Variants in SGCD observed in about 807,000 individuals in gnomAD.
The protein encoded by SGCD is sarcoglycan delta.
In SGCD, 18 loss-of-function variants were observed where a neutral mutation model predicts 36.6. The ratio of observed to expected loss-of-function variants is 0.49; its 90% CI spans 0.34 to 0.73. The LOEUF (loss-of-function observed/expected upper bound fraction) is 0.73, where lower values mean the gene tolerates loss of function less well. SGCD is among the 30% of genes least tolerant of loss of function. The pLI is 0.01. For missense variants in SGCD, 387 were observed against 346.7 expected (o/e 1.12, Z -0.92); for synonymous variants, 133 against 130.6 (o/e 1.02, Z -0.12).
intron 7 of SGCD, among the ~76,000 whole-genome samples, chr5:156,686,139 T>G (rs1753896652): frequency 6.6e-6 from 1 of 152,238 alleles, no homozygotes. Flanking sequence ...CTATTTAATC[T>G]TCAAAACAGT....
chr5:155,793,536 G>GT, the SGCD span, among the ~76,000 whole-genome samples: 103 of 150,458 alleles, frequency 6.8e-4, no homozygotes, highest in Admixed American at 9.9e-4. Context: ...TAAAATGTCA[G>GT]TTTTTTTTTC....
At chr5:156,507,952 G>A (rs1756773287) in intron 3 of SGCD, among the ~76,000 whole-genome samples, 1 of 152,172 alleles carries the variant, frequency 6.6e-6, no homozygotes, top group African/African-American at 2.4e-5. Flanking sequence ...GATTGTGTGT[G>A]TGGTAATGGG....
At chr5:156,283,932 G>C (rs894529577) in intron 3 of SGCD, among the ~76,000 whole-genome samples, 2 of 152,196 alleles carry the variant, frequency 1.3e-5, no homozygotes, top group Non-Finnish European at 2.9e-5. Context: ...TTAGGGAATA[G>C]ATTGCTAAAT....
chr5:155,742,055 G>A, the SGCD span, among the ~76,000 whole-genome samples: 4 of 152,090 alleles, frequency 2.6e-5, 1 homozygote, highest in South Asian at 8.3e-4. Context: ...CAGTTGGTTA[G>A]GGGGCTTAGA....
At chr5:155,963,958 C>T (rs184965835) in intron 1 of SGCD, among the ~76,000 whole-genome samples, 39 of 152,212 alleles carry the variant, frequency 2.6e-4, no homozygotes, top group Admixed American at 2.2e-3. Flanking sequence ...CATACCTCAA[C>T]AACATTCGTT....
chr5:156,498,299 T>A (rs1756292509), intron 3 of SGCD, among the ~76,000 whole-genome samples: 1 of 152,002 alleles, frequency 6.6e-6, no homozygotes, highest in Non-Finnish European at 1.5e-5. Flanking sequence ...GGGTTATATT[T>A]GTATGCTGTA....
intron 1 of SGCD, among the ~76,000 whole-genome samples, chr5:155,879,027 C>A (rs1166427466): frequency 6.6e-6 from 1 of 151,806 alleles, no homozygotes; most frequent in Admixed American, 6.6e-5. Context: ...GAGTGAAATT[C>A]AGTCAGTACT....
At chr5:156,527,820 C>T (rs1007226213) in intron 4 of SGCD, among the ~76,000 whole-genome samples, 12 of 152,214 alleles carry the variant, frequency 7.9e-5, no homozygotes, top group Non-Finnish European at 1.2e-4. Flanking sequence ...TCACCAGCCA[C>T]AGGGGGCCGA....
the SGCD span, among the ~76,000 whole-genome samples, chr5:155,851,880 A>C: frequency 6.6e-6 from 1 of 152,210 alleles, no homozygotes; most frequent in African/African-American, 2.4e-5. Flanking sequence ...AACCCAGTAC[A>C]CACACTCATC....
At chr5:156,249,296 A>G (rs1561583893) in intron 3 of SGCD, among the ~76,000 whole-genome samples, 1 of 152,186 alleles carries the variant, frequency 6.6e-6, no homozygotes, top group Non-Finnish European at 1.5e-5. Flanking sequence ...AGAGTGAGAT[A>G]TTATGGAAGC....
At chr5:156,361,141 G>A (rs113979011) in intron 3 of SGCD, among the ~76,000 whole-genome samples, 369 of 152,334 alleles carry the variant, frequency 2.4e-3, no homozygotes, top group African/African-American at 8.3e-3. Flanking sequence ...AGCCTGGAGC[G>A]CCCAACAAGA....
intron 4 of SGCD, among the ~76,000 whole-genome samples, chr5:156,562,331 A>C (rs1759298918): frequency 6.6e-6 from 1 of 152,222 alleles, no homozygotes; most frequent in Non-Finnish European, 1.5e-5. Flanking sequence ...TCTCTTGAGC[A>C]GTGGCCATTT....
chr5:156,329,602 G>A (rs1314632715), intron 2 of SGCD, 23 bp downstream of exon 2: 7 of 1,610,652 alleles, frequency 4.3e-6, no homozygotes, highest in African/African-American at 4.0e-5. Flanking sequence ...CGGGAGCGAA[G>A]CTTGTTCAAG....
At chr5:156,361,388 A>G (rs1374151955) in intron 3 of SGCD, among the ~76,000 whole-genome samples, 1 of 152,200 alleles carries the variant, frequency 6.6e-6, no homozygotes, top group Non-Finnish European at 1.5e-5. Flanking sequence ...GTTACTGATG[A>G]TCTAGACAAT....
intron 1 of SGCD, among the ~76,000 whole-genome samples, chr5:156,037,649 G>A (rs1759531690): frequency 1.3e-5 from 2 of 152,140 alleles, no homozygotes; most frequent in South Asian, 2.1e-4. Flanking sequence ...TCAGGAAGAT[G>A]GCTCTGTCTA....
chr5:156,513,062 A>G (rs1032334428), intron 4 of SGCD, among the ~76,000 whole-genome samples: 2 of 152,324 alleles, frequency 1.3e-5, no homozygotes, highest in South Asian at 2.1e-4. Context: ...AGAATAACAT[A>G]TTAGGCATAG....
the SGCD span, among the ~76,000 whole-genome samples, chr5:155,734,146 TAATA>T: frequency 2.0e-5 from 3 of 147,586 alleles, no homozygotes; most frequent in Non-Finnish European, 4.5e-5. Flanking sequence ...TTATATTAAT[TAATA>T]ATGTTACTGT....
At chr5:156,584,132 C>G (rs549653349) in intron 4 of SGCD, among the ~76,000 whole-genome samples, 1 of 152,308 alleles carries the variant, frequency 6.6e-6, no homozygotes. Context: ...ATTTTTCTAT[C>G]TCCCTTAAGC....
the SGCD span, among the ~76,000 whole-genome samples, chr5:155,842,314 C>A: frequency 6.7e-6 from 1 of 149,806 alleles, no homozygotes; most frequent in Admixed American, 6.7e-5. Context: ...GTGGCTCACA[C>A]CTGTAATCCC....
Sources: gnomAD v4.1 joint callset for allele counts (sites outside exome capture counted in the v4.1 genomes callset) on GRCh38, gnomAD v4.1.1 for gene constraint, MANE v1.5 for transcripts, NCBI Gene and HGNC (gene_info 2026-07-23, HGNC 2026-07-21) for gene names.